PCDHGA8: variants seen among roughly 807,000 people sequenced by gnomAD.
PCDHGA8 encodes the protein protocadherin gamma subfamily A, 8, also known as protocadherin gamma-A8.
In PCDHGA8, 45 loss-of-function variants were observed where a neutral mutation model predicts 59.2. The observed-to-expected ratio is 0.76, with a 90% CI of 0.60 to 0.98. PCDHGA8 has a LOEUF of 0.98. Ranked by LOEUF, PCDHGA8 falls within the 50% of genes least tolerant of loss-of-function variation. PCDHGA8 has a pLI of 0.00. For missense variants in PCDHGA8, 1,257 were observed against 1,196.2 expected (o/e 1.05, Z -0.75); for synonymous variants, 531 against 519.0 (o/e 1.02, Z -0.32).
Position 141,490,522 on chromosome 5 carries a change from G to A in PCDHGA8, c.2425-4285G>A, listed in dbSNP as rs191201177. ...CTATATCATCGAGCTGCTGGCCAGC[G>A]ATGCTGGTTCACCTTCCCTACACAA... On this transcript the variant is annotated intron_variant, in intron 1 of 3. Transcript: ENST00000398604. This position sits in a 1 kb window ranked among gnomAD's most constrained non-coding sequence, Gnocchi z 5.4. 5.0e-6 allele frequency: 8 copies of A among 1,614,054 alleles called. No homozygotes were observed. Among genetic ancestry groups the A allele is most frequent in the Admixed American group, 3.3e-5 (2 of 60,010 alleles).
In PCDHGA8 at chr5:141,431,940, T is replaced by G; in HGVS notation, c.2424+36703T>G. ...ATCCAAGGAAATCTGCCCTTTAAAT[T>G]AGAAAAATCTTACGGAAATTACTAT... On this transcript the variant is annotated intron_variant, in intron 1 of 3. Coordinates refer to ENST00000398604, the MANE Select transcript of PCDHGA8 (RefSeq NM_032088.2). The surrounding 1 kb of genome is among the most constrained non-coding windows in gnomAD (Gnocchi z 4.8). 2 of 1,614,132 alleles carry G rather than the reference T, an allele frequency of 1.2e-6. No homozygotes were observed. Among genetic ancestry groups the G allele is most frequent in the Non-Finnish European group, 1.7e-6 (2 of 1,179,998 alleles).
At chr5:141,442,466 A>T (rs1270035223) in intron 1 of PCDHGA8, 1 of 152,254 alleles carries the variant, frequency 6.6e-6, no homozygotes, top group African/African-American at 2.4e-5. Flanking sequence ...TTCACTGCAG[A>T]AAGCCCCTTG....
intron 1 of PCDHGA8, chr5:141,428,149 G>A (rs1048150182): frequency 8.8e-6 from 14 of 1,586,676 alleles, no homozygotes; most frequent in African/African-American, 1.3e-5. Flanking sequence ...CTGCACACGG[G>A]AACCTGCTGG....
chr5:141,453,201 C>T (rs115660512), intron 1 of PCDHGA8, among the ~76,000 whole-genome samples: 2,052 of 152,204 alleles, frequency 0.013, 46 homozygotes, highest in African/African-American at 0.048. Flanking sequence ...GCAGCCTCAA[C>T]CTCGTGCACT....
chr5:141,468,952 G>GA (rs2099186671), intron 1 of PCDHGA8, among the ~76,000 whole-genome samples: 1 of 151,198 alleles, frequency 6.6e-6, no homozygotes. Context: ...TAAACCTGTG[G>GA]TTTTTTTTAC....
intron 1 of PCDHGA8, chr5:141,423,310 G>A (rs1175296469): frequency 1.2e-6 from 2 of 1,614,180 alleles, no homozygotes; most frequent in Admixed American, 1.7e-5. Flanking sequence ...GCTGTACTTG[G>A]TGGTGGCGGT....
At position 141,476,001 on chromosome 5, in the gene PCDHGA8, C is replaced by A. The variant is rs989369008; in HGVS notation, c.2425-18806C>A. On this transcript the variant is annotated intron_variant, in intron 1 of 3. Coordinates refer to ENST00000398604, the MANE Select transcript of PCDHGA8 (RefSeq NM_032088.2). This position sits in a 1 kb window ranked among gnomAD's most constrained non-coding sequence, Gnocchi z 7.6. ...CAGCCGGCGAGCAAATCAACGGCAT[C>A]CAGAAAGCCATGTCGGACTCGGCGC... The A allele has an allele frequency of 5.7e-5, 70 of 1,235,226 alleles. No homozygotes were observed. In the Middle Eastern group the frequency reaches 8.6e-4, roughly 15 times the overall value. The allele number at this position is 1,235,226 out of a possible 1,614,324, so 76.5% of individuals were successfully genotyped here. A position where few individuals can be genotyped will look rare whatever the true frequency, so the allele number is the denominator to read the frequency against.
At chr5:141,442,089 C>A in intron 1 of PCDHGA8, 1 of 170,684 alleles carries the variant, frequency 5.9e-6, no homozygotes, top group South Asian at 1.1e-4. Context: ...CTCGCTACCG[C>A]CACGTCACCA....
Position 141,490,491 on chromosome 5 carries a change from A to T in PCDHGA8, c.2425-4316A>T. 1 of 1,614,098 alleles carries T rather than the reference A, an allele frequency of 6.2e-7. No individual in the cohort carries two copies. Among genetic ancestry groups the T allele is most frequent in the Non-Finnish European group, 8.5e-7 (1 of 1,180,022 alleles). ...GCCAGCCTTTGGACCGGGAGGCCAC[A>T]TCCCACTATATCATCGAGCTGCTGG... On this transcript the variant is annotated intron_variant, in intron 1 of 3. Coordinates refer to ENST00000398604, the MANE Select transcript of PCDHGA8 (RefSeq NM_032088.2). This position sits in a 1 kb window ranked among gnomAD's most constrained non-coding sequence, Gnocchi z 5.4.
intron 1 of PCDHGA8, chr5:141,430,664 C>G (rs2154553866): frequency 8.3e-7 from 1 of 1,209,890 alleles, no homozygotes; most frequent in East Asian, 2.6e-5. Context: ...CGGAGGAGCT[C>G]TGACTTCCCA....
Position 141,432,039 on chromosome 5 carries a change from G to C in PCDHGA8, c.2424+36802G>C. ...AACATCACAGTGACCGCCACTGACC[G>C]GGGAACCCCGCCCCTATCCACGGAA... On this transcript the variant is annotated intron_variant, in intron 1 of 3. Transcript: ENST00000398604. This position sits in a 1 kb window ranked among gnomAD's most constrained non-coding sequence, Gnocchi z 6.0. 6.2e-7 allele frequency: 1 copy of C among 1,614,176 alleles called. No homozygotes were observed. Among genetic ancestry groups the C allele is most frequent in the Non-Finnish European group, 8.5e-7 (1 of 1,180,028 alleles).
At chr5:141,440,472 A>C (rs913774913) in intron 1 of PCDHGA8, 6 of 152,322 alleles carry the variant, frequency 3.9e-5, no homozygotes, top group Admixed American at 3.9e-4. Flanking sequence ...ACGGTAGTTG[A>C]AAATTCTTTA....
chr5:141,477,312 T>G lies in PCDHGA8; in HGVS notation c.2425-17495T>G. On this transcript the variant is annotated intron_variant, in intron 1 of 3. Coordinates refer to ENST00000398604, the MANE Select transcript of PCDHGA8 (RefSeq NM_032088.2). This position sits in a 1 kb window ranked among gnomAD's most constrained non-coding sequence, Gnocchi z 4.9. ...GTTCCACCGGGTCTCCCTTTCAGCC[T>G]TACTTCTTCCCTCAAGAATTACTTC... The G allele has an allele frequency of 1.2e-6, 2 of 1,614,162 alleles. No individual in the cohort carries two copies. The highest frequency in any genetic ancestry group is 1.7e-6 in the Non-Finnish European group (2 of 1,180,032).
intron 1 of PCDHGA8, chr5:141,430,634 C>A: frequency 1.1e-6 from 1 of 882,730 alleles, no homozygotes; most frequent in Non-Finnish European, 1.7e-6. Flanking sequence ...TGAACCATCC[C>A]TGGGAGTATG....
At position 141,431,213 on chromosome 5, in the gene PCDHGA8, T is replaced by A; in HGVS notation, c.2424+35976T>A. 6.2e-7 allele frequency: 1 copy of A among 1,614,142 alleles called. No individual in the cohort carries two copies. The highest frequency in any genetic ancestry group is 8.5e-7 in the Non-Finnish European group (1 of 1,180,038). On this transcript the variant is annotated intron_variant, in intron 1 of 3. Coordinates refer to ENST00000398604, the MANE Select transcript of PCDHGA8 (RefSeq NM_032088.2). The surrounding 1 kb of genome is among the most constrained non-coding windows in gnomAD (Gnocchi z 4.8). ...TGAAAATGCAGCCACTGAGATGCGG[T>A]TCCCTCTACCCCACGCCTGGGATCC...
rs766852982 is a variant in PCDHGA8, at chr5:141,486,907, A to G, written c.2425-7900A>G. ...CCCGGCCTGGTTCCTTATGTCCCCA[A>G]GCACTGCCTCCATCAGTTGGTGCTG... On this transcript the variant is annotated intron_variant, in intron 1 of 3. Coordinates refer to ENST00000398604, the MANE Select transcript of PCDHGA8 (RefSeq NM_032088.2). The surrounding 1 kb of genome is among the most constrained non-coding windows in gnomAD (Gnocchi z 5.0). 6.2e-5 allele frequency: 100 copies of G among 1,614,122 alleles called. No homozygotes were observed. The highest frequency in any genetic ancestry group is 8.0e-5 in the Non-Finnish European group (94 of 1,180,056).
chr5:141,426,960 A>G, intron 1 of PCDHGA8: 1 of 456,776 alleles, frequency 2.2e-6, no homozygotes, highest in South Asian at 1.5e-5. Context: ...CACTGCTGCA[A>G]TTCAAATTGA....
chr5:141,432,649 A>C lies in PCDHGA8; in HGVS notation c.2424+37412A>C, dbSNP rs769351399. The C allele has an allele frequency of 5.6e-6, 9 of 1,613,742 alleles. No individual in the cohort carries two copies. The highest frequency in any genetic ancestry group is 6.8e-6 in the Non-Finnish European group (8 of 1,179,918). ...ACACGGGCGAGGTGCGCACGGCGCG[A>C]GCCCTGCTGGACAGAGACGCGCTCA... is the stretch of plus-strand genomic sequence containing the variant. On this transcript the variant is annotated intron_variant, in intron 1 of 3. Transcript: ENST00000398604. This position sits in a 1 kb window ranked among gnomAD's most constrained non-coding sequence, Gnocchi z 6.0.
chr5:141,461,347 G>C (rs2154567331), intron 1 of PCDHGA8, among the ~76,000 whole-genome samples: 1 of 152,242 alleles, frequency 6.6e-6, no homozygotes, highest in Admixed American at 6.5e-5. Flanking sequence ...GGACCAAGGT[G>C]GTAGCTCGTT....
Sources: gnomAD v4.1 joint callset for allele counts (sites outside exome capture counted in the v4.1 genomes callset) on GRCh38, gnomAD v4.1.1 for gene constraint, Gnocchi (gnomAD v3.1) non-coding constraint, MANE v1.5 for transcripts, NCBI Gene and HGNC (gene_info 2026-07-23, HGNC 2026-07-21) for gene names.